Variants in YEATS2 observed in about 807,000 individuals in gnomAD.
YEATS2 encodes the protein YEATS domain containing 2, also known as YEATS domain-containing protein 2.
A neutral mutation model predicts 163.2 loss-of-function variants in YEATS2; 77 were observed. The ratio of observed to expected loss-of-function variants is 0.47; its 90% CI spans 0.39 to 0.57. YEATS2 has a LOEUF of 0.57. Among genes scored for constraint, YEATS2 ranks in the 20% least tolerant of loss-of-function variants. YEATS2 has a pLI of 0.00. For synonymous variants in YEATS2, 631 were observed against 645.1 expected (o/e 0.98, Z 0.33); for missense variants, 1,549 against 1,729.8 (o/e 0.90, Z 1.85).
At chr3:183,716,854 A>G (rs1715933931) in intron 2 of YEATS2, among the ~76,000 whole-genome samples, 1 of 151,322 alleles carries the variant, frequency 6.6e-6, no homozygotes, top group Non-Finnish European at 1.5e-5. Flanking sequence ...AATTTTTCTC[A>G]AAGTAGATTT....
intron 1 of YEATS2, among the ~76,000 whole-genome samples, chr3:183,707,786 C>T (rs1259638432): frequency 1.3e-5 from 2 of 150,248 alleles, no homozygotes; most frequent in African/African-American, 4.9e-5. Context: ...CGGGTTCAAG[C>T]AATTCTCCTG....
At chr3:183,737,506 A>C (rs989774629) in intron 8 of YEATS2, among the ~76,000 whole-genome samples, 3 of 152,252 alleles carry the variant, frequency 2.0e-5, no homozygotes, top group Admixed American at 6.5e-5. Context: ...TAATCAGAAC[A>C]CATGAATCTT....
chr3:183,777,315 A>C (rs1013141102), intron 18 of YEATS2, among the ~76,000 whole-genome samples: 12 of 152,250 alleles, frequency 7.9e-5, no homozygotes, highest in African/African-American at 2.9e-4. Context: ...AGTTTTCAAC[A>C]GGCTGCTCTG....
chr3:183,806,164 G>T (rs1482162232), intron 27 of YEATS2: 1 of 387,308 alleles, frequency 2.6e-6, no homozygotes, highest in African/African-American at 2.1e-5. Context: ...ATCGTAAGTT[G>T]AAAATATCCT....
chr3:183,724,683 T>C (rs1020803680), intron 6 of YEATS2, 152 bp downstream of exon 6: 8 of 559,222 alleles, frequency 1.4e-5, no homozygotes, highest in East Asian at 3.2e-5. Flanking sequence ...CTAGAGACTT[T>C]ATTAGGGTAA....
intron 1 of YEATS2, among the ~76,000 whole-genome samples, chr3:183,701,061 G>A (rs1417970318): frequency 6.6e-6 from 1 of 150,944 alleles, no homozygotes; most frequent in Non-Finnish European, 1.5e-5. Context: ...ATGTGTGTGT[G>A]TGTGTGTGTG....
At position 183,716,748 on chromosome 3, in the gene YEATS2, C is replaced by T. The variant is rs116260270; in HGVS notation, c.101-903C>T. Among the ~76,000 whole-genome samples the T allele has an allele frequency of 8.2e-3, 1,252 of 152,148 alleles. 12 individuals are homozygous for T. Among genetic ancestry groups the T allele is most frequent in the African/African-American group, 0.029 (1,197 of 41,512 alleles). On this transcript the variant is annotated intron_variant, in intron 2 of 30. Transcript: ENST00000305135. ...AAGTTCCAAAATACCCCCTTTCAAG[C>T]AGGGGCAGTTTTTTGTTTGTTACTG... is the stretch of plus-strand genomic sequence containing the variant.
rs201486443 is a variant in YEATS2 at position 183,810,552 on chromosome 3, A to C, written c.4238A>C (p.Lys1413Thr). The part of the protein sequence containing the change: ...NIPFLDFLTN[K>T]HMGILNEDQ ...CCTTTTCTGGACTTCCTCACAAACAAACACATGGGAATATTGAATGAGGAC... is the reference window on the plus strand; with the variant it reads ...CCTTTTCTGGACTTCCTCACAAACACACACATGGGAATATTGAATGAGGAC... Residue 1413 changes from lysine (K) to threonine (T), a missense_variant, in exon 31 of 31, where the codon AAA becomes ACA. Coordinates refer to ENST00000305135, the MANE Select transcript of YEATS2 (RefSeq NM_018023.5). The C allele has an allele frequency of 7.2e-5, 117 of 1,614,122 alleles. 1 individual carries two copies. In the African/African-American group the frequency reaches 8.0e-4, roughly 11 times the overall value.
At chr3:183,802,535 G>GTATATATATACACGTGTGTA (rs11276625) in intron 25 of YEATS2, 1 of 142,222 alleles carries the variant, frequency 7.0e-6, no homozygotes, top group South Asian at 2.3e-4. Flanking sequence ...ATATACACGT[G>GTATATATATACACGTGTGTA]TATATACACA....
At chr3:183,789,340 C>T (rs1279173207) in intron 20 of YEATS2, among the ~76,000 whole-genome samples, 4 of 152,058 alleles carry the variant, frequency 2.6e-5, no homozygotes, top group Admixed American at 6.6e-5. Flanking sequence ...TAAAGATATC[C>T]AGTTTTCCCA....
intron 1 of YEATS2, among the ~76,000 whole-genome samples, chr3:183,711,908 T>C (rs1217610700): frequency 6.6e-6 from 1 of 151,534 alleles, no homozygotes; most frequent in Non-Finnish European, 1.5e-5. Flanking sequence ...CAGCCTCCAT[T>C]TCCCGGGTTC....
intron 19 of YEATS2, 111 bp from the exon 20 acceptor site, chr3:183,786,014 C>T (rs1724029432): frequency 7.7e-7 from 1 of 1,298,912 alleles, no homozygotes; most frequent in African/African-American, 1.5e-5. Context: ...ATTGGTAAGA[C>T]TTTCTTGGTT....
At chr3:183,752,708 C>CAA (rs1269458468) in intron 10 of YEATS2, among the ~76,000 whole-genome samples, 2 of 59,830 alleles carry the variant, frequency 3.3e-5, no homozygotes, top group Non-Finnish European at 3.5e-5. Flanking sequence ...GACTCCATCT[C>CAA]AAAAAAAAAA....
intron 7 of YEATS2, among the ~76,000 whole-genome samples, chr3:183,731,903 CT>C (rs755417997): frequency 6.6e-6 from 1 of 152,242 alleles, no homozygotes; most frequent in Non-Finnish European, 1.5e-5. Flanking sequence ...TTACCACATA[CT>C]TTTCCCATAG....
At chr3:183,756,715 CA>C in intron 12 of YEATS2, 26 bp downstream of exon 12, 1 of 1,411,290 alleles carries the variant, frequency 7.1e-7, no homozygotes. Flanking sequence ...ATATTTGTAC[CA>C]TCTAAAGGGT....
intron 8 of YEATS2, among the ~76,000 whole-genome samples, chr3:183,740,189 A>G (rs1295021313): frequency 6.6e-6 from 1 of 150,916 alleles, no homozygotes; most frequent in African/African-American, 2.4e-5. Flanking sequence ...CATGGGAGAA[A>G]ATTTTCACAA....
intron 15 of YEATS2, among the ~76,000 whole-genome samples, chr3:183,770,510 GAATT>G (rs1240225220): frequency 6.6e-6 from 1 of 152,110 alleles, no homozygotes; most frequent in East Asian, 1.9e-4. Context: ...CATATGTAGA[GAATT>G]AAGTAATCAA....
At chr3:183,760,725 T>C (rs557747120) in intron 13 of YEATS2, among the ~76,000 whole-genome samples, 50 of 152,356 alleles carry the variant, frequency 3.3e-4, no homozygotes, top group African/African-American at 1.2e-3. Context: ...TATTGAAAAT[T>C]TTTCCTTTGT....
At chr3:183,720,195 C>A (rs1716349190) in intron 4 of YEATS2, among the ~76,000 whole-genome samples, 1 of 152,080 alleles carries the variant, frequency 6.6e-6, no homozygotes, top group Non-Finnish European at 1.5e-5. Context: ...GTGATCACCA[C>A]TAGATTATTC....
Sources: gnomAD v4.1 joint callset for allele counts (sites outside exome capture counted in the v4.1 genomes callset) on GRCh38, gnomAD v4.1.1 for gene constraint, MANE v1.5 for transcripts, NCBI Gene and HGNC (gene_info 2026-07-23, HGNC 2026-07-21) for gene names.